FANCL: variants seen among roughly 807,000 people sequenced by gnomAD.
FANCL encodes E3 ubiquitin-protein ligase FANCL.
FANCL carries 69 observed loss-of-function variants against 59.4 expected under a neutral mutation model. The observed-to-expected ratio is 1.16, with a 90% CI of 0.96 to 1.42. The LOEUF (loss-of-function observed/expected upper bound fraction) is 1.42. Among genes scored for constraint, FANCL ranks in the 40% most tolerant of loss-of-function variants. The pLI is 0.00. For synonymous variants in FANCL, 180 were observed against 147.1 expected, an observed-to-expected ratio of 1.22 and a Z score of -1.62; for missense variants, 519 against 447.2, an observed-to-expected ratio of 1.16 and a Z score of -1.45.
At chr2:58,192,970 A>C (rs1416106421) in intron 7 of FANCL, among the ~76,000 whole-genome samples, 1 of 152,028 alleles carries the variant, frequency 6.6e-6, no homozygotes, top group African/African-American at 2.4e-5. Flanking sequence ...CATCCTGATG[A>C]TCAACTAAAA....
At chr2:58,174,818 A>G (rs1230574423) in intron 7 of FANCL, among the ~76,000 whole-genome samples, 1 of 152,206 alleles carries the variant, frequency 6.6e-6, no homozygotes, top group East Asian at 1.9e-4. Flanking sequence ...TAGAGACACA[A>G]AAGACCCTTC....
At chr2:58,201,500 C>A (rs1690021461) in intron 6 of FANCL, among the ~76,000 whole-genome samples, 3 of 151,976 alleles carry the variant, frequency 2.0e-5, no homozygotes, top group Admixed American at 6.6e-5. Context: ...ACTACCTAAG[C>A]AGTAAGGCTG....
chr2:58,209,694 A>G (rs1690938304), intron 5 of FANCL, among the ~76,000 whole-genome samples: 1 of 152,170 alleles, frequency 6.6e-6, no homozygotes, highest in African/African-American at 2.4e-5. Flanking sequence ...ATTAGGCATT[A>G]TTAGCTTCCT....
At chr2:58,238,553 T>G (rs1418773084) in intron 1 of FANCL, among the ~76,000 whole-genome samples, 1 of 152,052 alleles carries the variant, frequency 6.6e-6, no homozygotes, top group Non-Finnish European at 1.5e-5. Context: ...ACTAACAAAT[T>G]CCTTGAAAGA....
chr2:58,168,125 A>C (rs1037293182), intron 7 of FANCL, among the ~76,000 whole-genome samples: 1 of 152,210 alleles, frequency 6.6e-6, no homozygotes, highest in African/African-American at 2.4e-5. Flanking sequence ...AAATATTTTT[A>C]AAAATAAAAA....
intron 5 of FANCL, among the ~76,000 whole-genome samples, chr2:58,212,030 C>CAGCAATGCCCCACTCTACTGGTACCA (rs1422540694): frequency 6.6e-5 from 10 of 152,314 alleles, no homozygotes; most frequent in African/African-American, 2.4e-4. Context: ...GGTATCTTCT[C>CAGCAATGCCCCACTCTACTGGTACCA]AGCAATGCCC....
chr2:58,204,270 C>T (rs778001179), intron 5 of FANCL, 44 bp from the exon 6 acceptor site: 1 of 1,369,008 alleles, frequency 7.3e-7, no homozygotes, highest in Admixed American at 1.7e-5. Context: ...CCGGGGAGAG[C>T]TGGAGAGGGG....
intron 7 of FANCL, among the ~76,000 whole-genome samples, chr2:58,193,614 G>C (rs1477286463): frequency 6.6e-6 from 1 of 151,874 alleles, no homozygotes; most frequent in Non-Finnish European, 1.5e-5. Flanking sequence ...TGCCAACAAA[G>C]AAAAAGCATA....
In FANCL at chr2:58,219,926, C is replaced by A. The variant is rs115582641; in HGVS notation, c.374+2016G>T. ...AATGGAAGACATCCAAACATAAAAT[C>A]CCTACTGCATATCTTAGGACTATTT... On this transcript the variant is annotated intron_variant, in intron 5 of 13. Transcript: ENST00000233741. Among the ~76,000 whole-genome samples the A allele has an allele frequency of 1.4e-3, 215 of 152,230 alleles. 3 individuals are homozygous for A. Among genetic ancestry groups the A allele is most frequent in the African/African-American group, 5.0e-3 (206 of 41,512 alleles).
intron 3 of FANCL, 34 bp from the exon 4 acceptor site, chr2:58,226,818 C>T: frequency 6.4e-7 from 1 of 1,564,222 alleles, no homozygotes. Flanking sequence ...ATTTCATTTG[C>T]ACAATAAATA....
Position 58,233,649 on chromosome 2 carries a change from C to CTAGG in FANCL, c.97-1541_97-1538dup, listed in dbSNP as rs1466330190. ...GAAGCACTTTCCAATAGAACCTACT[C>CTAGG]TAGGACTCCCACAGCAACTCTTTTT... is the stretch of plus-strand genomic sequence containing the variant. On this transcript the variant is annotated intron_variant, in intron 1 of 13. Transcript: ENST00000233741. Among the ~76,000 whole-genome samples the CTAGG allele has an allele frequency of 1.2e-4, 18 of 152,028 alleles. No homozygotes were observed. In the South Asian group the frequency reaches 3.7e-3, roughly 32 times the overall value.
chr2:58,190,496 T>C (rs1688825641), intron 7 of FANCL, among the ~76,000 whole-genome samples: 2 of 147,184 alleles, frequency 1.4e-5, no homozygotes, highest in Non-Finnish European at 3.0e-5. Context: ...GCCAAGCCAA[T>C]TAGTGGACCA....
At chr2:58,231,442 G>C (rs1217574716) in intron 2 of FANCL, among the ~76,000 whole-genome samples, 1 of 152,098 alleles carries the variant, frequency 6.6e-6, no homozygotes, top group African/African-American at 2.4e-5. Context: ...ATCTGAGCCG[G>C]GAATTTGAAA....
At chr2:58,221,632 A>G (rs1692490322) in intron 5 of FANCL, among the ~76,000 whole-genome samples, 1 of 152,160 alleles carries the variant, frequency 6.6e-6, no homozygotes, top group South Asian at 2.1e-4. Context: ...CATGTGTCTC[A>G]GCATTACTCT....
At chr2:58,193,526 A>T (rs1689140702) in intron 7 of FANCL, among the ~76,000 whole-genome samples, 1 of 152,138 alleles carries the variant, frequency 6.6e-6, no homozygotes, top group Non-Finnish European at 1.5e-5. Context: ...ACCATATCAC[A>T]TAATCTCAAT....
At chr2:58,180,372 T>C (rs998564165) in intron 7 of FANCL, among the ~76,000 whole-genome samples, 2 of 152,170 alleles carry the variant, frequency 1.3e-5, no homozygotes, top group Non-Finnish European at 2.9e-5. Flanking sequence ...ATATACACCA[T>C]GGAATACTAT....
chr2:58,191,512 A>G (rs188248196), intron 7 of FANCL, among the ~76,000 whole-genome samples: 32 of 151,976 alleles, frequency 2.1e-4, no homozygotes, highest in African/African-American at 7.0e-4. Flanking sequence ...AGTACAATGT[A>G]TATGTAGTCA....
intron 5 of FANCL, among the ~76,000 whole-genome samples, chr2:58,212,854 A>G (rs1691320071): frequency 6.6e-6 from 1 of 152,354 alleles, no homozygotes; most frequent in South Asian, 2.1e-4. Context: ...AACAGAAATT[A>G]TAACAATAGC....
chr2:58,167,681 G>A (rs1302781637), intron 7 of FANCL, among the ~76,000 whole-genome samples: 1 of 152,028 alleles, frequency 6.6e-6, no homozygotes, highest in Non-Finnish European at 1.5e-5. Context: ...GAAGTTACTT[G>A]GTAATTACAG....
Sources: gnomAD v4.1 joint callset for allele counts (sites outside exome capture counted in the v4.1 genomes callset) on GRCh38, gnomAD v4.1.1 for gene constraint, MANE v1.5 for transcripts, NCBI Gene and HGNC (gene_info 2026-07-23, HGNC 2026-07-21) for gene names.